Variants in APPL2 observed in about 807,000 individuals in gnomAD.
APPL2 encodes the protein adaptor protein, phosphotyrosine interacting with PH domain and leucine zipper 2.
In APPL2, 84 loss-of-function variants were observed where a neutral mutation model predicts 92.7. The ratio of observed to expected loss-of-function variants is 0.91; its 90% CI spans 0.76 to 1.09. The LOEUF (loss-of-function observed/expected upper bound fraction) is 1.09. Ranked by LOEUF, APPL2 falls within the 50% of genes least tolerant of loss-of-function variation. APPL2 has a pLI of 0.00. For missense variants in APPL2, 736 were observed against 824.5 expected, an observed-to-expected ratio of 0.89 and a Z score of 1.31; for synonymous variants, 291 against 291.0, an observed-to-expected ratio of 1.00 and a Z score of 0.00.
At chr12:105,176,184 TCCCACTTGGGAACACA>T (rs1194606259) in intron 19 of APPL2, 102 bp from the exon 20 acceptor site, 7 of 1,051,362 alleles carry the variant, frequency 6.7e-6, no homozygotes, top group Non-Finnish European at 9.8e-6. Flanking sequence ...TTCTCACTGT[TCCCACTTGGGAACACA>T]GGACCTGGCT....
At position 105,203,768 on chromosome 12, in the gene APPL2, C is replaced by G. The variant is rs1888443484; in HGVS notation, c.639G>C (p.Lys213Asn). The change falls in exon 9 of 21, where the codon AAG (lysine) becomes AAC (asparagine). Residue 213 changes from lysine (K) to asparagine (N), a missense_variant. Physicochemically the swap from Lys to Asn is moderately conservative, Grantham distance 94. Coordinates refer to ENST00000258530, the MANE Select transcript of APPL2 (RefSeq NM_018171.5). ...TACGTTTGGAAAACATCTCTGCTCC[C>G]TTCTTAAAAAAGTTAATCTGAAAGA... The part of the protein sequence containing the change: ...FAHGQINFFK[K>N]GAEMFSKRMD... 6.2e-7 allele frequency: 1 copy of G among 1,613,730 alleles called. No homozygotes were observed. Among genetic ancestry groups the G allele is most frequent in the Non-Finnish European group, 8.5e-7 (1 of 1,179,616 alleles).
At position 105,194,417 on chromosome 12, in the gene APPL2, G is replaced by A. The variant is rs114924805; in HGVS notation, c.1241+844C>T. Among the ~76,000 whole-genome samples, 905 of 152,308 alleles carry A rather than the reference G, an allele frequency of 5.9e-3. 19 individuals carry two copies. Among genetic ancestry groups the A allele is most frequent in the African/African-American group, 0.021 (854 of 41,572 alleles). On this transcript the variant is annotated intron_variant, in intron 14 of 20. Transcript: ENST00000258530. Reference sequence around the variant, plus strand: ...TAATAAATGGTAGAATGGGCCAGGCGCAGTGGCTCATGCCTGTAATCCCAG... The same window carrying A: ...TAATAAATGGTAGAATGGGCCAGGCACAGTGGCTCATGCCTGTAATCCCAG...
At chr12:105,196,452 T>C (rs1299577665) in intron 11 of APPL2, among the ~76,000 whole-genome samples, 4 of 85,308 alleles carry the variant, frequency 4.7e-5, no homozygotes, top group Non-Finnish European at 9.5e-5. Flanking sequence ...TTTTTTTTTT[T>C]TGATGGAGTT....
At chr12:105,214,842 C>T (rs1889538730) in intron 4 of APPL2, among the ~76,000 whole-genome samples, 1 of 152,184 alleles carries the variant, frequency 6.6e-6, no homozygotes, top group Admixed American at 6.5e-5. Flanking sequence ...CCCCCATCTT[C>T]CAGGAACGGG....
chr12:105,175,938 T>C, intron 20 of APPL2, 97 bp downstream of exon 20: 2 of 1,245,118 alleles, frequency 1.6e-6, no homozygotes, highest in South Asian at 1.5e-5. Flanking sequence ...GGCCACACTT[T>C]CCAGTGAACA....
chr12:105,186,660 T>TATATGATATCG (rs1566056314), intron 17 of APPL2, among the ~76,000 whole-genome samples: 13 of 92,656 alleles, frequency 1.4e-4, no homozygotes, highest in Admixed American at 1.0e-3. Context: ...CGATATCATA[T>TATATGATATCG]ATATCATATA....
chr12:105,236,126 C>T lies in APPL2; in HGVS notation c.-114G>A, dbSNP rs1398907396. 2.5e-5 allele frequency: 18 copies of T among 719,344 alleles called. No individual in the cohort carries two copies. The highest frequency in any genetic ancestry group is 1.5e-4 in the Admixed American group (3 of 19,692). The allele number at this position is 719,344 out of a possible 1,614,324, so 44.6% of individuals were successfully genotyped here. On this transcript the variant is annotated 5_prime_UTR_variant, in exon 1 of 21. Coordinates refer to ENST00000258530, the MANE Select transcript of APPL2 (RefSeq NM_018171.5). ...GGCGACGCGGCGGCCACTCCGTGCC[C>T]GCGGCGGCCCCGCGCGCGTCCACGC...
At position 105,236,107 on chromosome 12, in the gene APPL2, G is replaced by C; in HGVS notation, c.-95C>G. 1.1e-6 allele frequency: 1 copy of C among 949,610 alleles called. No homozygotes were observed. Among genetic ancestry groups the C allele is most frequent in the Non-Finnish European group, 1.3e-6 (1 of 745,008 alleles). The allele number at this position is 949,610 out of a possible 1,614,324, so 58.8% of individuals were successfully genotyped here. A position where few individuals can be genotyped will look rare whatever the true frequency, so the allele number is the denominator to read the frequency against. On this transcript the variant is annotated 5_prime_UTR_variant, in exon 1 of 21. Transcript: ENST00000258530. ...CTCCCCGGCTCTGGGCTCAGGCGAC[G>C]CGGCGGCCACTCCGTGCCCGCGGCG...
rs556632228 is a variant in APPL2, at chr12:105,180,457, G to A, written c.1635-3195C>T. On this transcript the variant is annotated intron_variant, in intron 17 of 20. Coordinates refer to ENST00000258530, the MANE Select transcript of APPL2 (RefSeq NM_018171.5). ...TTGCTTAGGATTATCTGGGCTATGC[G>A]GGCTCTTTTTTGGTTCCATATGAAA... is the stretch of plus-strand genomic sequence containing the variant. Among the ~76,000 whole-genome samples the A allele has an allele frequency of 1.4e-4, 21 of 152,278 alleles. No homozygotes were observed. In the South Asian group the frequency reaches 1.7e-3, roughly 12 times the overall value.
intron 9 of APPL2, among the ~76,000 whole-genome samples, chr12:105,202,436 C>A (rs1285066361): frequency 1.3e-5 from 2 of 152,200 alleles, no homozygotes. Flanking sequence ...AAATGTCCTG[C>A]TACCCATTCA....
chr12:105,192,380 T>G (rs368321647), intron 14 of APPL2, among the ~76,000 whole-genome samples: 34 of 152,242 alleles, frequency 2.2e-4, no homozygotes, highest in African/African-American at 7.7e-4. Flanking sequence ...AGTGGGTATC[T>G]CTGTCTCCAT....
chr12:105,224,145 C>A (rs1890324550), intron 2 of APPL2, among the ~76,000 whole-genome samples: 1 of 152,172 alleles, frequency 6.6e-6, no homozygotes, highest in South Asian at 2.1e-4. Context: ...AAGTGCAGAA[C>A]CCAGGTCTAA....
At chr12:105,205,481 G>C (rs1029646988) in intron 8 of APPL2, among the ~76,000 whole-genome samples, 1 of 152,192 alleles carries the variant, frequency 6.6e-6, no homozygotes, top group Non-Finnish European at 1.5e-5. Context: ...TCACTTAAGA[G>C]AGTCCAGGCT....
chr12:105,175,284 C>A (rs1885413352), intron 20 of APPL2, among the ~76,000 whole-genome samples: 1 of 152,166 alleles, frequency 6.6e-6, no homozygotes, highest in Non-Finnish European at 1.5e-5. Flanking sequence ...TTGACCAATA[C>A]CATTAAATAC....
intron 2 of APPL2, among the ~76,000 whole-genome samples, chr12:105,222,430 T>C (rs1890175227): frequency 6.6e-6 from 1 of 152,076 alleles, no homozygotes; most frequent in African/African-American, 2.4e-5. Context: ...GAGGTATTCC[T>C]GAGGCAGAAA....
intron 17 of APPL2, among the ~76,000 whole-genome samples, chr12:105,184,029 T>C (rs1009844719): frequency 2.0e-5 from 3 of 152,210 alleles, no homozygotes; most frequent in Non-Finnish European, 2.9e-5. Flanking sequence ...TCTGGTATCC[T>C]TTCTTCCACT....
rs76373364 is a variant in APPL2, at chr12:105,205,743, G to C, written c.621+1318C>G. Among the ~76,000 whole-genome samples the C allele has an allele frequency of 3.3e-3, 498 of 152,330 alleles. 20 individuals carry two copies. The East Asian group carries it at 0.072, about 22-fold the overall frequency. ...AGGGGTTAACTAAAGAGAACAAAGA[G>C]AGCCCCGGCATTCTCTAATATGGCA... On this transcript the variant is annotated intron_variant, in intron 8 of 20. Coordinates refer to ENST00000258530, the MANE Select transcript of APPL2 (RefSeq NM_018171.5).
In APPL2 at chr12:105,199,539, CAGA is replaced by C; in HGVS notation, c.705-11_705-9del. 6.2e-7 allele frequency: 1 copy of C among 1,612,624 alleles called. No homozygotes were observed. Among genetic ancestry groups the C allele is most frequent in the South Asian group, 1.1e-5 (1 of 90,884 alleles). On this transcript the variant is annotated splice_polypyrimidine_tract_variant and intron_variant, in intron 9 of 20. Transcript: ENST00000258530. ...TCCAGTTCTACCTGAATGCTTAAGA[CAGA>C]AGGTGTTGGGTCAGTTACTCACTGC... is the stretch of plus-strand genomic sequence containing the variant.
At chr12:105,234,521 G>T (rs1891117164) in intron 1 of APPL2, among the ~76,000 whole-genome samples, 2 of 152,212 alleles carry the variant, frequency 1.3e-5, no homozygotes, top group African/African-American at 2.4e-5. Flanking sequence ...TTAAGAATAT[G>T]ATCTGTTTGT....
Sources: gnomAD v4.1 joint callset for allele counts (sites outside exome capture counted in the v4.1 genomes callset) on GRCh38, gnomAD v4.1.1 for gene constraint, MANE v1.5 for transcripts, NCBI Gene and HGNC (gene_info 2026-07-23, HGNC 2026-07-21) for gene names.